The following B3GNT2 variants were observed in gnomAD, a reference collection of about 807,000 sequenced individuals.
The protein encoded by B3GNT2 is N-acetyllactosaminide beta-1,3-N-acetylglucosaminyltransferase 2.
B3GNT2 carries 12 observed loss-of-function variants against 27.6 expected under a neutral mutation model. The ratio of observed to expected loss-of-function variants is 0.44; its 90% CI spans 0.28 to 0.71. The LOEUF (loss-of-function observed/expected upper bound fraction) is 0.71. B3GNT2 is among the 30% of genes least tolerant of loss of function. The pLI is 0.17. For synonymous variants in B3GNT2, 192 were observed against 189.7 expected (o/e 1.01, Z -0.10); for missense variants, 413 against 488.5 (o/e 0.85, Z 1.46).
chr2:62,210,778 AAT>A (rs1242409806), intron 1 of B3GNT2, among the ~76,000 whole-genome samples: 1 of 148,810 alleles, frequency 6.7e-6, no homozygotes, highest in African/African-American at 2.5e-5. Context: ...CAAAAAAAAT[AAT>A]AATAATAATA....
chr2:62,218,534 T>C (rs1674619832), intron 1 of B3GNT2, among the ~76,000 whole-genome samples: 1 of 152,144 alleles, frequency 6.6e-6, no homozygotes. Flanking sequence ...TCTTTAACTA[T>C]CAATGTACCA....
At position 62,223,496 on chromosome 2, in the gene B3GNT2, A is replaced by G. The variant is rs3811616; in HGVS notation, c.*82A>G. On this transcript the variant is annotated 3_prime_UTR_variant, in exon 2 of 2. Transcript: ENST00000301998. Reference sequence around the variant, plus strand: ...GTGTTCTCACATTAGAGTAATTTCTATATTAAACCATGAAAATTGCCTTTA... The same window carrying G: ...GTGTTCTCACATTAGAGTAATTTCTGTATTAAACCATGAAAATTGCCTTTA... 0.14 allele frequency: 169,472 copies of G among 1,245,818 alleles called. 12,719 individuals are homozygous for G. Among genetic ancestry groups the G allele is most frequent in the East Asian group, 0.26 (10,270 of 39,912 alleles). 77.2% of individuals were successfully genotyped at this position (1,245,818 alleles called of 1,614,324 possible).
At chr2:62,203,826 TC>T (rs1476909682) in intron 1 of B3GNT2, among the ~76,000 whole-genome samples, 1 of 152,066 alleles carries the variant, frequency 6.6e-6, no homozygotes, top group Non-Finnish European at 1.5e-5. Flanking sequence ...TAGGTTTTGG[TC>T]CCAGAGCTGA....
intron 1 of B3GNT2, among the ~76,000 whole-genome samples, chr2:62,210,952 C>T (rs911663286): frequency 2.0e-5 from 3 of 152,066 alleles, no homozygotes; most frequent in Admixed American, 6.5e-5. Flanking sequence ...GGGTTCCCTT[C>T]GTAATATGTT....
At chr2:62,217,221 T>A (rs557014595) in intron 1 of B3GNT2, among the ~76,000 whole-genome samples, 1 of 152,370 alleles carries the variant, frequency 6.6e-6, no homozygotes, top group East Asian at 1.9e-4. Flanking sequence ...CTTCAGTTCC[T>A]GCGGTCATAA....
chr2:62,216,814 C>G (rs1674584583), intron 1 of B3GNT2, among the ~76,000 whole-genome samples: 1 of 152,214 alleles, frequency 6.6e-6, no homozygotes, highest in African/African-American at 2.4e-5. Flanking sequence ...AGCTAAGAAA[C>G]TAAGGTCTTG....
intron 1 of B3GNT2, among the ~76,000 whole-genome samples, chr2:62,214,189 G>A (rs1022967820): frequency 1.3e-5 from 2 of 152,208 alleles, no homozygotes; most frequent in Non-Finnish European, 2.9e-5. Context: ...TAGGCTCTGA[G>A]GGAACAGTAG....
At position 62,222,524 on chromosome 2, in the gene B3GNT2, G is replaced by C; in HGVS notation, c.304G>C (p.Val102Leu). ...HLNYCEPDLR[V>L]TSVVTGFNNL... Reference sequence around the variant, plus strand: ...GAACTACTGCGAACCTGACCTGAGGGTCACGTCGGTGGTTACGGGTTTTAA... The same window carrying C: ...GAACTACTGCGAACCTGACCTGAGGCTCACGTCGGTGGTTACGGGTTTTAA... The change falls in exon 2 of 2, where the codon GTC (valine) becomes CTC (leucine). Residue 102 changes from valine to leucine, a missense_variant. By Grantham distance (32) the Val-to-Leu change is conservative (BLOSUM62 1). Coordinates refer to ENST00000301998, the MANE Select transcript of B3GNT2 (RefSeq NM_006577.6). This position sits in a 1 kb window ranked among gnomAD's most constrained non-coding sequence, Gnocchi z 4.2. The C allele has an allele frequency of 6.2e-7, 1 of 1,614,152 alleles. No homozygotes were observed. The highest frequency in any genetic ancestry group is 8.5e-7 in the Non-Finnish European group (1 of 1,180,028).
chr2:62,219,638 T>C (rs1450068043), intron 1 of B3GNT2, among the ~76,000 whole-genome samples: 1 of 152,182 alleles, frequency 6.6e-6, no homozygotes, highest in Non-Finnish European at 1.5e-5. Flanking sequence ...CCTGTTGCCC[T>C]TCCTTCCAGA....
At chr2:62,199,318 C>A (rs1254695741) in intron 1 of B3GNT2, among the ~76,000 whole-genome samples, 1 of 152,244 alleles carries the variant, frequency 6.6e-6, no homozygotes, top group Non-Finnish European at 1.5e-5. Context: ...GCTGTTAATA[C>A]TCTTGACATA....
At chr2:62,217,706 G>A (rs1674603367) in intron 1 of B3GNT2, among the ~76,000 whole-genome samples, 1 of 152,252 alleles carries the variant, frequency 6.6e-6, no homozygotes, top group Non-Finnish European at 1.5e-5. Flanking sequence ...GCTGCTTACA[G>A]GGCAGACCTT....
In B3GNT2 at chr2:62,222,336, G is replaced by A. The variant is rs1315003223; in HGVS notation, c.116G>A (p.Gly39Glu). 1.2e-6 allele frequency: 2 copies of A among 1,614,046 alleles called. No homozygotes were observed. The highest frequency in any genetic ancestry group is 1.3e-5 in the African/African-American group (1 of 74,990). Residue 39 changes from glycine (G) to glutamate (E), a missense_variant, in exon 2 of 2, where the codon GGG (glycine) becomes GAG (glutamate). Gly to Glu is a moderately conservative substitution (Grantham distance 98). Coordinates refer to ENST00000301998, the MANE Select transcript of B3GNT2 (RefSeq NM_006577.6). The surrounding 1 kb of genome is among the most constrained non-coding windows in gnomAD (Gnocchi z 4.2). ...KSSSQEKNGKGEVIIPKEKFW... is the reference protein window; with the variant it reads ...KSSSQEKNGKEEVIIPKEKFW... ...AGTAGCCAAGAAAAAAATGGAAAAGGGGAAGTAATAATACCCAAAGAGAAG... is the reference window on the plus strand; with the variant it reads ...AGTAGCCAAGAAAAAAATGGAAAAGAGGAAGTAATAATACCCAAAGAGAAG...
At chr2:62,218,832 G>A (rs1280757882) in intron 1 of B3GNT2, among the ~76,000 whole-genome samples, 2 of 152,252 alleles carry the variant, frequency 1.3e-5, no homozygotes, top group Non-Finnish European at 2.9e-5. Context: ...TGAAAGTTGA[G>A]GGTGGTGTTC....
intron 1 of B3GNT2, among the ~76,000 whole-genome samples, chr2:62,208,776 C>T (rs1195271166): frequency 1.3e-5 from 2 of 152,162 alleles, no homozygotes; most frequent in Non-Finnish European, 1.5e-5. Flanking sequence ...TTCTTGTTCT[C>T]ATATTGATTG....
intron 1 of B3GNT2, among the ~76,000 whole-genome samples, chr2:62,210,883 G>T (rs1000617239): frequency 6.6e-6 from 1 of 152,168 alleles, no homozygotes. Context: ...TTTGGTGGGA[G>T]GTTAAGGGTG....
At chr2:62,215,537 C>T (rs1199970528) in intron 1 of B3GNT2, 2 of 152,344 alleles carry the variant, frequency 1.3e-5, no homozygotes, top group Non-Finnish European at 2.9e-5. Flanking sequence ...TAGCTGCAAA[C>T]TGTCTCTGTC....
chr2:62,198,980 G>A (rs367637337), intron 1 of B3GNT2, among the ~76,000 whole-genome samples: 39 of 151,552 alleles, frequency 2.6e-4, no homozygotes, highest in East Asian at 7.7e-4. Flanking sequence ...TCACTCTCCC[G>A]CCCAGGCTGG....
rs536402558 is a variant in B3GNT2, at chr2:62,224,536, CTG to C, written c.*1124_*1125del. On this transcript the variant is annotated 3_prime_UTR_variant, in exon 2 of 2. Transcript: ENST00000301998. ...AAGGTGTAACATATGTTAAATAAAA[CTG>C]TTATTTTTGAATTTTAAAATTTGTT... 4.8e-5 allele frequency: 8 copies of C among 167,050 alleles called. No individual in the cohort carries two copies. The East Asian group carries it at 9.6e-4, about 20-fold the overall frequency. 10.3% of individuals were successfully genotyped at this position (167,050 alleles called of 1,614,324 possible).
At chr2:62,196,920 C>T (rs1674157136) in intron 1 of B3GNT2, among the ~76,000 whole-genome samples, 2 of 152,118 alleles carry the variant, frequency 1.3e-5, no homozygotes, top group Non-Finnish European at 1.5e-5. Flanking sequence ...AGCCAAAGAG[C>T]CGCCGGCAGC....
Sources: allele counts gnomAD v4.1 joint callset (sites outside exome capture counted in the v4.1 genomes callset), GRCh38; gene constraint gnomAD v4.1.1; non-coding constraint Gnocchi (gnomAD v3.1); transcripts MANE v1.5; gene names NCBI Gene and HGNC (gene_info 2026-07-23, HGNC 2026-07-21).